The following VTI1A variants were observed in gnomAD, a reference collection of about 807,000 sequenced individuals.
VTI1A encodes vesicle transport through interaction with t-SNAREs homolog 1A.
Under a neutral mutation model 34.9 loss-of-function variants are expected in VTI1A, and 22 were observed. That is an observed-to-expected ratio of 0.63 (90% CI 0.45 to 0.90). The LOEUF is 0.90. VTI1A is among the 40% of genes least tolerant of loss of function. VTI1A has a pLI of 0.00. For synonymous variants in VTI1A, 87 were observed against 97.3 expected, an observed-to-expected ratio of 0.89 and a Z score of 0.62; for missense variants, 268 against 275.6, an observed-to-expected ratio of 0.97 and a Z score of 0.20.
At chr10:112,453,610 C>CT (rs1196014201) in intron 1 of VTI1A, among the ~76,000 whole-genome samples, 2 of 151,914 alleles carry the variant, frequency 1.3e-5, no homozygotes, top group South Asian at 2.1e-4. Context: ...CATTGGGAGC[C>CT]TTTTTTTTAA....
At chr10:112,840,219 G>A in the VTI1A span, among the ~76,000 whole-genome samples, 4 of 152,108 alleles carry the variant, frequency 2.6e-5, no homozygotes, top group Non-Finnish European at 5.9e-5. Flanking sequence ...TACCATAAAT[G>A]GCCAGGACTT....
chr10:112,599,474 A>G (rs965961804), intron 5 of VTI1A, among the ~76,000 whole-genome samples: 2 of 152,030 alleles, frequency 1.3e-5, no homozygotes, highest in African/African-American at 2.4e-5. Context: ...AAAACAGTCC[A>G]TGGTGGATGC....
intron 7 of VTI1A, among the ~76,000 whole-genome samples, chr10:112,814,382 G>A (rs915613676): frequency 1.3e-5 from 2 of 152,210 alleles, no homozygotes; most frequent in Admixed American, 1.3e-4. Context: ...GTGCAGCTCT[G>A]TGAGAGCGAG....
At chr10:112,538,001 C>A (rs1426114167) in intron 4 of VTI1A, among the ~76,000 whole-genome samples, 3 of 152,050 alleles carry the variant, frequency 2.0e-5, no homozygotes, top group Non-Finnish European at 2.9e-5. Context: ...AAGTAAGATT[C>A]ATTGTGGCCA....
chr10:112,840,731 A>G, the VTI1A span, among the ~76,000 whole-genome samples: 9 of 152,146 alleles, frequency 5.9e-5, no homozygotes, highest in Non-Finnish European at 1.3e-4. Context: ...CCTGGGGGGA[A>G]AGTGAGCCTA....
intron 5 of VTI1A, among the ~76,000 whole-genome samples, chr10:112,612,519 A>G (rs1166072716): frequency 1.3e-5 from 2 of 152,194 alleles, no homozygotes; most frequent in Non-Finnish European, 2.9e-5. Flanking sequence ...CCTGGGCTCA[A>G]GTGATGATCC....
chr10:112,609,256 G>C (rs1387943796), intron 5 of VTI1A, among the ~76,000 whole-genome samples: 2 of 152,106 alleles, frequency 1.3e-5, no homozygotes, highest in Non-Finnish European at 2.9e-5. Flanking sequence ...ATTAAAATAA[G>C]AACTCATTCT....
rs1270823509 is a variant in VTI1A at position 112,447,310 on chromosome 10, G to T, written c.-64G>T. On this transcript the variant is annotated 5_prime_UTR_variant, in exon 1 of 8. Coordinates refer to ENST00000393077, the MANE Select transcript of VTI1A (RefSeq NM_145206.4). ...GGGTTCCTAAGCCGCGGGGCCCCTC[G>T]CTGCCCCTCGAGGCCCTTTCCCTGA... 9 of 1,548,748 alleles carry T rather than the reference G, an allele frequency of 5.8e-6. No homozygotes were observed. In the East Asian group the frequency reaches 1.9e-4, roughly 33 times the overall value.
chr10:112,606,449 C>A (rs1008987293), intron 5 of VTI1A, among the ~76,000 whole-genome samples: 2 of 152,174 alleles, frequency 1.3e-5, no homozygotes, highest in African/African-American at 2.4e-5. Context: ...TCATTTGTCA[C>A]TTACTGGTGC....
In VTI1A at chr10:112,473,276, T is replaced by C. The variant is rs1180157237; in HGVS notation, c.264+8619T>C. 2.0e-5 allele frequency among the ~76,000 whole-genome samples: 3 copies of C among 151,942 alleles called. No individual in the cohort carries two copies. In the East Asian group the frequency reaches 5.8e-4, roughly 29 times the overall value. ...GGAGCGCGCCACCATGTCCAGCTAA[T>C]TTTTGTATTTTTAGTAGAGACGGGG... On this transcript the variant is annotated intron_variant, in intron 3 of 7. Coordinates refer to ENST00000393077, the MANE Select transcript of VTI1A (RefSeq NM_145206.4).
At chr10:112,612,232 T>G (rs954806920) in intron 5 of VTI1A, among the ~76,000 whole-genome samples, 2 of 152,178 alleles carry the variant, frequency 1.3e-5, no homozygotes, top group African/African-American at 4.8e-5. Flanking sequence ...AGATAGTGAT[T>G]TGTCCTAGAG....
intron 5 of VTI1A, among the ~76,000 whole-genome samples, chr10:112,657,029 A>G (rs1847256988): frequency 6.6e-6 from 1 of 151,800 alleles, no homozygotes; most frequent in Non-Finnish European, 1.5e-5. Context: ...ATGCCCGCCC[A>G]CCCTTCGCTT....
chr10:112,674,349 G>C (rs1203850383), intron 7 of VTI1A, among the ~76,000 whole-genome samples: 3 of 152,166 alleles, frequency 2.0e-5, no homozygotes, highest in Admixed American at 2.0e-4. Flanking sequence ...ATCTGAGCTA[G>C]AATAATGCTA....
At chr10:112,520,180 T>C (rs886448947) in intron 3 of VTI1A, among the ~76,000 whole-genome samples, 3 of 152,156 alleles carry the variant, frequency 2.0e-5, no homozygotes, top group African/African-American at 7.2e-5. Context: ...AAGGATGAGA[T>C]TTCCTCCACT....
At chr10:112,811,479 G>T (rs933391290) in intron 7 of VTI1A, among the ~76,000 whole-genome samples, 2 of 151,980 alleles carry the variant, frequency 1.3e-5, no homozygotes, top group African/African-American at 4.8e-5. Flanking sequence ...CGGATCACGA[G>T]GTCAGGAGAT....
At chr10:112,789,248 CTTTG>C (rs1209152687) in intron 7 of VTI1A, among the ~76,000 whole-genome samples, 2 of 151,968 alleles carry the variant, frequency 1.3e-5, no homozygotes, top group Admixed American at 1.3e-4. Context: ...TTCTCTTATT[CTTTG>C]TTTATCTAGA....
intron 7 of VTI1A, among the ~76,000 whole-genome samples, chr10:112,773,070 T>C (rs1318237248): frequency 6.6e-6 from 1 of 152,204 alleles, no homozygotes; most frequent in Admixed American, 6.5e-5. Context: ...TATACGTCTC[T>C]TACCTCCCTA....
intron 5 of VTI1A, among the ~76,000 whole-genome samples, chr10:112,623,038 G>T (rs563552881): frequency 2.6e-5 from 4 of 152,160 alleles, no homozygotes; most frequent in Non-Finnish European, 5.9e-5. Flanking sequence ...TCAGGATTGG[G>T]TGGTACACCT....
chr10:112,686,476 C>T (rs1848418650), intron 7 of VTI1A, among the ~76,000 whole-genome samples: 1 of 152,178 alleles, frequency 6.6e-6, no homozygotes. Flanking sequence ...TATAGCCCTA[C>T]CCTTGGGCCT....
Sources: gnomAD v4.1 joint callset for allele counts (sites outside exome capture counted in the v4.1 genomes callset) on GRCh38, gnomAD v4.1.1 for gene constraint, MANE v1.5 for transcripts, NCBI Gene and HGNC (gene_info 2026-07-23, HGNC 2026-07-21) for gene names.